GPC5: variants seen among roughly 807,000 people sequenced by gnomAD.
GPC5 encodes the protein glypican 5.
In GPC5, 47 loss-of-function variants were observed where a neutral mutation model predicts 53.9. That is an observed-to-expected ratio of 0.87 (90% CI 0.69 to 1.11). The LOEUF is 1.11. Ranked by LOEUF, GPC5 falls within the 50% of genes most tolerant of loss-of-function variation. GPC5 has a pLI of 0.00. For missense variants in GPC5, 748 were observed against 713.1 expected (o/e 1.05, Z -0.56); for synonymous variants, 286 against 263.3 (o/e 1.09, Z -0.84).
intron 6 of GPC5, among the ~76,000 whole-genome samples, chr13:92,084,718 C>T (rs748923955): frequency 6.6e-6 from 1 of 151,888 alleles, no homozygotes. Flanking sequence ...ATTATTTTAC[C>T]CAACATTTGG....
chr13:92,470,422 G>T (rs1878863692), intron 7 of GPC5, among the ~76,000 whole-genome samples: 1 of 151,820 alleles, frequency 6.6e-6, no homozygotes, highest in Admixed American at 6.6e-5. Context: ...GTGCAGTTTT[G>T]TTACATAGGT....
At chr13:92,217,541 C>T (rs777470740) in intron 7 of GPC5, among the ~76,000 whole-genome samples, 1 of 152,092 alleles carries the variant, frequency 6.6e-6, no homozygotes, top group Non-Finnish European at 1.5e-5. Flanking sequence ...GCTGATAGTC[C>T]CATCTCCAAT....
At chr13:92,816,612 C>A (rs1008054161) in intron 7 of GPC5, among the ~76,000 whole-genome samples, 3 of 152,042 alleles carry the variant, frequency 2.0e-5, no homozygotes, top group South Asian at 2.1e-4. Context: ...CTGTTCTATA[C>A]GTTAGTCAGT....
intron 6 of GPC5, among the ~76,000 whole-genome samples, chr13:91,977,038 CAATAAATAAATA>C (rs138005450): frequency 0.018 from 2,553 of 141,788 alleles, 49 homozygotes; most frequent in African/African-American, 0.035. Flanking sequence ...GATTCTGTCT[CAATAAATAAATA>C]AATAAATAAA....
chr13:91,456,759 A>G (rs117524994), intron 2 of GPC5, among the ~76,000 whole-genome samples: 2,786 of 152,096 alleles, frequency 0.018, 58 homozygotes, highest in South Asian at 0.047. Context: ...GCATGCTGTA[A>G]AAAGTAAAAT....
At chr13:92,161,642 C>T in intron 7 of GPC5, among the ~76,000 whole-genome samples, 1 of 151,938 alleles carries the variant, frequency 6.6e-6, no homozygotes, top group Non-Finnish European at 1.5e-5. Context: ...CACATTTTCA[C>T]TTAGTGGAGA....
At chr13:92,229,459 T>C (rs183535651) in intron 7 of GPC5, among the ~76,000 whole-genome samples, 1 of 152,116 alleles carries the variant, frequency 6.6e-6, no homozygotes, top group Non-Finnish European at 1.5e-5. Flanking sequence ...CTATACTTAA[T>C]ATTCCTAATA....
At chr13:92,410,480 A>G (rs1409429003) in intron 7 of GPC5, among the ~76,000 whole-genome samples, 1 of 152,206 alleles carries the variant, frequency 6.6e-6, no homozygotes, top group African/African-American at 2.4e-5. Context: ...CAGAAAGGGA[A>G]CTAGATGTTA....
At chr13:92,154,347 C>T (rs569006975) in intron 7 of GPC5, among the ~76,000 whole-genome samples, 1 of 152,182 alleles carries the variant, frequency 6.6e-6, no homozygotes, top group East Asian at 1.9e-4. Flanking sequence ...TATGTCACCC[C>T]TTTCTATCAG....
intron 6 of GPC5, among the ~76,000 whole-genome samples, chr13:91,977,987 A>G (rs1203986548): frequency 1.4e-5 from 2 of 145,302 alleles, no homozygotes; most frequent in African/African-American, 5.4e-5. Flanking sequence ...AAGAAAGAAA[A>G]GAAAAAAAAA....
At chr13:91,747,666 C>A (rs1262481910) in intron 4 of GPC5, among the ~76,000 whole-genome samples, 1 of 150,036 alleles carries the variant, frequency 6.7e-6, no homozygotes, top group Non-Finnish European at 1.5e-5. Context: ...ATCTAACAAT[C>A]TACTAATGAG....
At chr13:92,465,477 C>T (rs1878654099) in intron 7 of GPC5, among the ~76,000 whole-genome samples, 1 of 151,960 alleles carries the variant, frequency 6.6e-6, no homozygotes, top group African/African-American at 2.4e-5. Context: ...CGTTTATAGG[C>T]TATGCTACTT....
At chr13:92,757,165 T>A (rs1297511281) in intron 7 of GPC5, among the ~76,000 whole-genome samples, 6 of 152,146 alleles carry the variant, frequency 3.9e-5, no homozygotes, top group South Asian at 2.1e-4. Flanking sequence ...CAGAGCCCTC[T>A]GAAATAACGC....
chr13:91,431,253 G>A (rs999936028), intron 1 of GPC5, among the ~76,000 whole-genome samples: 2 of 152,086 alleles, frequency 1.3e-5, no homozygotes, highest in Non-Finnish European at 2.9e-5. Flanking sequence ...ACAGTTTTGA[G>A]TGTCAGTCAT....
intron 7 of GPC5, among the ~76,000 whole-genome samples, chr13:92,574,463 C>G (rs1191798180): frequency 2.0e-5 from 3 of 152,066 alleles, no homozygotes; most frequent in Non-Finnish European, 4.4e-5. Context: ...AAATAGTAAT[C>G]TCTTTATAAG....
intron 7 of GPC5, among the ~76,000 whole-genome samples, chr13:92,761,698 G>A (rs1474950511): frequency 6.6e-6 from 1 of 152,100 alleles, no homozygotes; most frequent in Non-Finnish European, 1.5e-5. Context: ...ATGGTAGAAT[G>A]TAATCCATTT....
chr13:91,442,367 T>C (rs1233039017), intron 1 of GPC5, among the ~76,000 whole-genome samples: 3 of 152,258 alleles, frequency 2.0e-5, no homozygotes, highest in Non-Finnish European at 4.4e-5. Context: ...TTTGTTATAT[T>C]TTCTATGTCT....
At chr13:92,295,974 A>T (rs2043031465) in intron 7 of GPC5, among the ~76,000 whole-genome samples, 2 of 152,294 alleles carry the variant, frequency 1.3e-5, no homozygotes, top group South Asian at 4.1e-4. Flanking sequence ...ATGAAATGTG[A>T]GGTACCATTC....
intron 7 of GPC5, among the ~76,000 whole-genome samples, chr13:92,302,103 T>C (rs948298532): frequency 6.6e-6 from 1 of 152,204 alleles, no homozygotes; most frequent in African/African-American, 2.4e-5. Context: ...ATGTAATGTA[T>C]ATACATGAGT....
Sources: gnomAD v4.1 joint callset for allele counts (sites outside exome capture counted in the v4.1 genomes callset) on GRCh38, gnomAD v4.1.1 for gene constraint, MANE v1.5 for transcripts, NCBI Gene and HGNC (gene_info 2026-07-23, HGNC 2026-07-21) for gene names.